RAB7A: variants seen among roughly 807,000 people sequenced by gnomAD.
RAB7A encodes RAB7A, member RAS oncogene family.
Under a neutral mutation model 24.5 loss-of-function variants are expected in RAB7A, and 2 were observed. That is an observed-to-expected ratio of 0.08 (90% CI 0.03 to 0.26). The LOEUF (loss-of-function observed/expected upper bound fraction) is 0.26. Ranked by LOEUF, RAB7A falls within the 10% of genes least tolerant of loss-of-function variation. RAB7A has a pLI of 1.00. For missense variants in RAB7A, 118 were observed against 255.7 expected, an observed-to-expected ratio of 0.46 and a Z score of 3.67; for synonymous variants, 100 against 95.9, an observed-to-expected ratio of 1.04 and a Z score of -0.25.
In RAB7A at chr3:128,763,864, G is replaced by GCC. The variant is rs60251504; in HGVS notation, c.-8-31486_-8-31485dup. Among the ~76,000 whole-genome samples the GCC allele has an allele frequency of 9.7e-3, 798 of 82,550 alleles. 8 individuals are homozygous for GCC. The highest frequency in any genetic ancestry group is 0.02 in the African/African-American group (509 of 26,068). 54.2% of individuals were successfully genotyped at this position (82,550 alleles called of 152,430 possible). ...ACTGGCATTCACCTGTTAGATTCCC[G>GCC]CCCCCCCCCCCGCCCCTGCTTTTCA... On this transcript the variant is annotated intron_variant, in intron 1 of 5. Coordinates refer to ENST00000265062, the MANE Select transcript of RAB7A (RefSeq NM_004637.6).
intron 3 of RAB7A, among the ~76,000 whole-genome samples, chr3:128,803,160 G>A (rs2107614371): frequency 6.6e-6 from 1 of 152,124 alleles, no homozygotes; most frequent in South Asian, 2.1e-4. Flanking sequence ...CTAGCTTGGG[G>A]GAACCAGAGG....
At position 128,813,588 on chromosome 3, in the gene RAB7A, C is replaced by A; in HGVS notation, c.*166C>A. The A allele has an allele frequency of 9.4e-6, 6 of 640,074 alleles. No individual in the cohort carries two copies. The highest frequency in any genetic ancestry group is 6.3e-5 in the South Asian group (4 of 63,276). The allele number at this position is 640,074 out of a possible 1,614,324, so 39.6% of individuals were successfully genotyped here. The stretch of plus-strand genomic sequence containing the variant: ...ACAGTTACACCCCACATATCTCTCA[C>A]ACACACACACACACGCACACACACA... On this transcript the variant is annotated 3_prime_UTR_variant, in exon 6 of 6. Coordinates refer to ENST00000265062, the MANE Select transcript of RAB7A (RefSeq NM_004637.6).
intron 1 of RAB7A, among the ~76,000 whole-genome samples, chr3:128,737,825 GTTTTTTTTTTTTTTTTTT>G (rs56027163): frequency 1.2e-4 from 7 of 59,482 alleles, no homozygotes; most frequent in South Asian, 2.3e-3. Flanking sequence ...TTTTTTTGTA[GTTTTTTTTTTTTTTTTTT>G]TTTTTTTTTT....
intron 1 of RAB7A, among the ~76,000 whole-genome samples, chr3:128,750,355 G>A (rs1287061286): frequency 6.6e-6 from 1 of 152,134 alleles, no homozygotes; most frequent in African/African-American, 2.4e-5. Context: ...TCTGCCTCCC[G>A]GGTTCAAGTG....
chr3:128,782,231 A>G (rs189912982), intron 1 of RAB7A, among the ~76,000 whole-genome samples: 2 of 152,320 alleles, frequency 1.3e-5, no homozygotes, highest in East Asian at 1.9e-4. Flanking sequence ...CTGGCCTGCT[A>G]CCTTGCACAT....
chr3:128,739,470 G>A (rs185423104), intron 1 of RAB7A, among the ~76,000 whole-genome samples: 23 of 150,208 alleles, frequency 1.5e-4, no homozygotes, highest in Non-Finnish European at 2.4e-4. Context: ...CCAAGATCGC[G>A]CCACTGCACT....
intron 4 of RAB7A, 87 bp from the exon 5 acceptor site, chr3:128,807,456 G>A (rs1233220201): frequency 3.1e-6 from 5 of 1,591,340 alleles, no homozygotes; most frequent in Non-Finnish European, 4.3e-6. Context: ...ACCTGTAGAC[G>A]AGGGGCCATG....
At chr3:128,810,544 A>G (rs940628630) in intron 5 of RAB7A, among the ~76,000 whole-genome samples, 15 of 152,164 alleles carry the variant, frequency 9.9e-5, no homozygotes, top group African/African-American at 1.7e-4. Flanking sequence ...TTTCTGGGCT[A>G]TCTTCTCACT....
intron 1 of RAB7A, among the ~76,000 whole-genome samples, chr3:128,772,062 C>A (rs1185967515): frequency 6.6e-6 from 1 of 152,180 alleles, no homozygotes; most frequent in Non-Finnish European, 1.5e-5. Context: ...AAAATTTTAA[C>A]TCATAAGACA....
intron 3 of RAB7A, among the ~76,000 whole-genome samples, chr3:128,799,537 G>A (rs553784866): frequency 3.7e-4 from 57 of 152,132 alleles, no homozygotes; most frequent in Non-Finnish European, 7.1e-4. Flanking sequence ...ATTTGTGCAC[G>A]TGTTGACCTC....
In RAB7A at chr3:128,813,376, A is replaced by G. The variant is rs1431291361; in HGVS notation, c.578A>G (p.Asp193Gly). The G allele has an allele frequency of 1.2e-6, 2 of 1,614,218 alleles. No homozygotes were observed. Among genetic ancestry groups the G allele is most frequent in the Non-Finnish European group, 8.5e-7 (1 of 1,180,030 alleles). The change falls in exon 6 of 6, where the codon GAC becomes GGC. Residue 193 changes from aspartate to glycine, a missense_variant. By Grantham distance (94) the Asp-to-Gly change is moderately conservative. This residue lies in a region of RAB7A where 66 missense variants were observed against 82.2 expected (regional missense o/e 0.80). Coordinates refer to ENST00000265062, the MANE Select transcript of RAB7A (RefSeq NM_004637.6). ...GAATTTCCTGAACCTATCAAACTGG[A>G]CAAGAATGACCGGGCCAAGGCCTCG... ...YNEFPEPIKL[D>G]KNDRAKASAE...
intron 1 of RAB7A, among the ~76,000 whole-genome samples, chr3:128,761,335 A>C (rs1468696748): frequency 6.6e-6 from 1 of 152,206 alleles, no homozygotes. Context: ...TTTAAAACTT[A>C]AAATATGGCA....
chr3:128,750,522 A>G (rs988452764), intron 1 of RAB7A, among the ~76,000 whole-genome samples: 1 of 152,106 alleles, frequency 6.6e-6, no homozygotes, highest in East Asian at 1.9e-4. Context: ...TCAGCCTCCC[A>G]AAGTGCTGGG....
At chr3:128,747,848 A>G (rs887970825) in intron 1 of RAB7A, among the ~76,000 whole-genome samples, 2 of 149,628 alleles carry the variant, frequency 1.3e-5, no homozygotes, top group Admixed American at 1.3e-4. Flanking sequence ...GCTCACTGCA[A>G]CCTCCGCCTC....
Position 128,813,479 on chromosome 3 carries a change from T to C in RAB7A, c.*57T>C. On this transcript the variant is annotated 3_prime_UTR_variant, in exon 6 of 6. Transcript: ENST00000265062. Reference sequence around the variant, plus strand: ...CACAAACCAAGAACACACGTAGGCCTTCAACACAATTCCCCTCTCCTCTTC... The same window carrying C: ...CACAAACCAAGAACACACGTAGGCCCTCAACACAATTCCCCTCTCCTCTTC... 2 of 1,450,666 alleles carry C rather than the reference T, an allele frequency of 1.4e-6. No individual in the cohort carries two copies. Among genetic ancestry groups the C allele is most frequent in the Non-Finnish European group, 1.9e-6 (2 of 1,032,888 alleles). The allele number at this position is 1,450,666 out of a possible 1,614,324, so 89.9% of individuals were successfully genotyped here. A position where few individuals can be genotyped will look rare whatever the true frequency, so the allele number is the denominator to read the frequency against.
intron 5 of RAB7A, among the ~76,000 whole-genome samples, chr3:128,807,915 G>C (rs970357799): frequency 3.3e-5 from 5 of 152,286 alleles, no homozygotes; most frequent in African/African-American, 7.2e-5. Context: ...TCTTTTACTA[G>C]GCTTGTTCTT....
At chr3:128,750,551 C>T (rs540446138) in intron 1 of RAB7A, among the ~76,000 whole-genome samples, 72 of 152,218 alleles carry the variant, frequency 4.7e-4, no homozygotes, top group Admixed American at 1.5e-3. Flanking sequence ...TGTGAGCCAC[C>T]GAGCCTGGCC....
chr3:128,761,108 C>G (rs2070772869), intron 1 of RAB7A, among the ~76,000 whole-genome samples: 1 of 152,206 alleles, frequency 6.6e-6, no homozygotes, highest in South Asian at 2.1e-4. Flanking sequence ...CACAGCTGTT[C>G]TTGAGGTTTC....
intron 1 of RAB7A, among the ~76,000 whole-genome samples, chr3:128,740,757 GC>G (rs2070544269): frequency 6.7e-6 from 1 of 148,504 alleles, no homozygotes; most frequent in Non-Finnish European, 1.5e-5. Context: ...AAAAAAAATA[GC>G]TGGGTGTGGT....
Sources: gnomAD v4.1 joint callset for allele counts (sites outside exome capture counted in the v4.1 genomes callset) on GRCh38, gnomAD v4.1.1 for gene constraint, gnomAD v4.1.1 regional missense constraint, MANE v1.5 for transcripts, NCBI Gene and HGNC (gene_info 2026-07-23, HGNC 2026-07-21) for gene names.